The following KMT2A variants were observed in gnomAD, a reference collection of about 807,000 sequenced individuals.
The protein encoded by KMT2A is histone-lysine N-methyltransferase 2A.
KMT2A carries 16 observed loss-of-function variants against 345.3 expected under a neutral mutation model. The ratio of observed to expected loss-of-function variants is 0.05; its 90% CI spans 0.03 to 0.07. KMT2A has a LOEUF of 0.07. Among genes scored for constraint, KMT2A ranks in the 10% least tolerant of loss-of-function variants. The pLI is 1.00. For missense variants in KMT2A, 3,272 were observed against 4,841.6 expected, an observed-to-expected ratio of 0.68 and a Z score of 9.62; for synonymous variants, 1,599 against 1,778.6, an observed-to-expected ratio of 0.90 and a Z score of 2.54.
At chr11:118,461,422 T>G (rs1949741295) in intron 1 of KMT2A, among the ~76,000 whole-genome samples, 1 of 152,250 alleles carries the variant, frequency 6.6e-6, no homozygotes, top group African/African-American at 2.4e-5. Flanking sequence ...TCTTAATCAC[T>G]GGAAGCTAAA....
Position 118,521,829 on chromosome 11 carries a change from T to A in KMT2A, c.11644-68T>A. On this transcript the variant is annotated intron_variant, in intron 35 of 35. Coordinates refer to ENST00000534358, the MANE Select transcript of KMT2A (RefSeq NM_001197104.2). This position sits in a 1 kb window ranked among gnomAD's most constrained non-coding sequence, Gnocchi z 5.3. Reference sequence around the variant, plus strand: ...GCTATAGGTAACATCAAGAGAAGATTGGGACATGTTCTTAAAGCTGAGTTT... The same window carrying A: ...GCTATAGGTAACATCAAGAGAAGATAGGGACATGTTCTTAAAGCTGAGTTT... The A allele has an allele frequency of 1.3e-6, 2 of 1,516,802 alleles. No individual in the cohort carries two copies. Among genetic ancestry groups the A allele is most frequent in the Non-Finnish European group, 1.8e-6 (2 of 1,103,546 alleles). 94.0% of individuals were successfully genotyped at this position (1,516,802 alleles called of 1,614,324 possible). A position where few individuals can be genotyped will look rare whatever the true frequency, so the allele number is the denominator to read the frequency against.
At chr11:118,480,140 A>G in intron 5 of KMT2A, 34 bp from the exon 6 acceptor site, 1 of 1,539,880 alleles carries the variant, frequency 6.5e-7, no homozygotes, top group Non-Finnish European at 9.0e-7. Flanking sequence ...TTCTAAATTT[A>G]ATTTGTTTCA....
intron 10 of KMT2A, among the ~76,000 whole-genome samples, chr11:118,486,610 C>T (rs1300262118): frequency 2.6e-5 from 4 of 152,082 alleles, no homozygotes; most frequent in South Asian, 2.1e-4. Flanking sequence ...CAGTGGCTCA[C>T]GCCTGTAATC....
chr11:118,473,663 T>C lies in KMT2A; in HGVS notation c.2504T>C (p.Leu835Pro). 6.2e-7 allele frequency: 1 copy of C among 1,614,140 alleles called. No homozygotes were observed. The highest frequency in any genetic ancestry group is 8.5e-7 in the Non-Finnish European group (1 of 1,180,028). The change falls in exon 3 of 36, where the codon CTC becomes CCC. Residue 835 changes from leucine (L) to proline (P), a missense_variant. By Grantham distance (98) the Leu-to-Pro change is moderately conservative. This residue lies in a region of KMT2A where 209 missense variants were observed against 237.4 expected (regional missense o/e 0.88). Transcript: ENST00000534358. The surrounding 1 kb of genome is among the most constrained non-coding windows in gnomAD (Gnocchi z 5.2). ...TTTTCATCAAGTAGTCCTACTCCTC[T>C]CTTCCCTTGGTTTACCCCAGGCTCT... ...EPFSSSSPTPLFPWFTPGSQT... is the reference protein window; with the variant it reads ...EPFSSSSPTPPFPWFTPGSQT...
chr11:118,465,690 T>A (rs1555033968), intron 1 of KMT2A, among the ~76,000 whole-genome samples: 2 of 152,214 alleles, frequency 1.3e-5, no homozygotes, highest in African/African-American at 4.8e-5. Context: ...AAGACTGGAT[T>A]GGCCCCCTCT....
chr11:118,482,161 CA>C (rs1950145245), intron 7 of KMT2A, 69 bp downstream of exon 7: 12 of 1,486,086 alleles, frequency 8.1e-6, no homozygotes, highest in Admixed American at 2.4e-5. Context: ...ATGTCTCAAA[CA>C]GCATTTGAAA....
Position 118,505,734 on chromosome 11 carries a change from C to G in KMT2A, c.9842C>G (p.Ser3281Cys). Residue 3281 changes from serine to cysteine, a missense_variant, in exon 27 of 36, where the codon TCT becomes TGT. Ser to Cys is a moderately radical substitution (Grantham distance 112, BLOSUM62 -1). This residue lies in a region of KMT2A where 748 missense variants were observed against 922.2 expected (regional missense o/e 0.81). Transcript: ENST00000534358. This position sits in a 1 kb window ranked among gnomAD's most constrained non-coding sequence, Gnocchi z 4.6. Reference sequence around the variant, plus strand: ...GATTTGGGGTCACTTAATACTTCATCTCACCGAACTGTCCCCAACATCATA... The same window carrying G: ...GATTTGGGGTCACTTAATACTTCATGTCACCGAACTGTCCCCAACATCATA... ...LLDLGSLNTS[S>C]HRTVPNIIKR... 6.2e-7 allele frequency: 1 copy of G among 1,614,164 alleles called. No individual in the cohort carries two copies. Among genetic ancestry groups the G allele is most frequent in the Non-Finnish European group, 8.5e-7 (1 of 1,180,014 alleles).
chr11:118,451,264 T>C (rs1555028774), intron 1 of KMT2A, among the ~76,000 whole-genome samples: 2 of 151,110 alleles, frequency 1.3e-5, no homozygotes, highest in Non-Finnish European at 2.9e-5. Context: ...CAGGCTGGGA[T>C]GCAGTGGCAC....
intron 12 of KMT2A, 110 bp downstream of exon 12, chr11:118,489,997 T>G: frequency 7.1e-7 from 1 of 1,416,506 alleles, no homozygotes; most frequent in Non-Finnish European, 9.8e-7. Context: ...TGACAATCTT[T>G]TTGCCTCATT....
chr11:118,484,985 C>T lies in KMT2A; in HGVS notation c.4332+10C>T. 1 of 1,488,412 alleles carries T rather than the reference C, an allele frequency of 6.7e-7. No homozygotes were observed. The highest frequency in any genetic ancestry group is 9.4e-7 in the Non-Finnish European group (1 of 1,065,992). 92.2% of individuals were successfully genotyped at this position (1,488,412 alleles called of 1,614,324 possible). A position where few individuals can be genotyped will look rare whatever the true frequency, so the allele number is the denominator to read the frequency against. ...TAGTGGGCATGTAGAGGTAAGGCATCCTGCTTCTTTGTACCCCAGGAAGTA... is the reference window on the plus strand; with the variant it reads ...TAGTGGGCATGTAGAGGTAAGGCATTCTGCTTCTTTGTACCCCAGGAAGTA... On this transcript the variant is annotated intron_variant, in intron 10 of 35. Coordinates refer to ENST00000534358, the MANE Select transcript of KMT2A (RefSeq NM_001197104.2). This position sits in a 1 kb window ranked among gnomAD's most constrained non-coding sequence, Gnocchi z 4.1.
At chr11:118,499,227 C>T (rs1950459167) in intron 22 of KMT2A, 76 bp from the exon 23 acceptor site, 1 of 924,692 alleles carries the variant, frequency 1.1e-6, no homozygotes, top group East Asian at 2.4e-5. Flanking sequence ...GTGCCTTCCA[C>T]TCTGAGACAG....
chr11:118,477,017 G>C, intron 4 of KMT2A, 35 bp downstream of exon 4: 1 of 1,606,084 alleles, frequency 6.2e-7, no homozygotes, highest in Non-Finnish European at 8.5e-7. Flanking sequence ...AGTCGGAACA[G>C]ACTTTTGATT....
intron 24 of KMT2A, chr11:118,500,778 C>G: frequency 2.5e-6 from 1 of 401,430 alleles, no homozygotes; most frequent in Non-Finnish European, 4.5e-6. Context: ...AGATCTTAGG[C>G]TATTTTCTGA....
rs781846955 is a variant in KMT2A, at chr11:118,506,252, C to A, written c.10360C>A (p.Gln3454Lys). ...SPSGEADEHY[Q>K]LQHVNQLLAS... ...TTCTGGGGAAGCAGACGAACACTAT[C>A]AGCTTCAGCATGTGAACCAGCTCCT... The change falls in exon 27 of 36, where the codon CAG becomes AAG. Residue 3454 changes from glutamine (Q) to lysine (K), a missense_variant. By Grantham distance (53) the Gln-to-Lys change is moderately conservative. Coordinates refer to ENST00000534358, the MANE Select transcript of KMT2A (RefSeq NM_001197104.2). 6 of 1,614,220 alleles carry A rather than the reference C, an allele frequency of 3.7e-6. No homozygotes were observed. The South Asian group carries it at 6.6e-5, about 18-fold the overall frequency.
chr11:118,448,455 C>T (rs1949466519), intron 1 of KMT2A: 1 of 152,022 alleles, frequency 6.6e-6, no homozygotes, highest in African/African-American at 2.4e-5. Context: ...AGAATGAAAC[C>T]TTTTTAGATA....
rs1950443911 is a variant in KMT2A, at chr11:118,498,342, T to C, written c.5803-28T>C. The C allele has an allele frequency of 5.0e-6, 8 of 1,597,448 alleles. No homozygotes were observed. The highest frequency in any genetic ancestry group is 6.8e-6 in the Non-Finnish European group (8 of 1,173,572). Reference sequence around the variant, plus strand: ...GTCTTAAAACATATGAAAGTCTGAATAGGACTCTGTTCTTTTTGGATTTTT... The same window carrying C: ...GTCTTAAAACATATGAAAGTCTGAACAGGACTCTGTTCTTTTTGGATTTTT... On this transcript the variant is annotated intron_variant, in intron 21 of 35. Transcript: ENST00000534358. The surrounding 1 kb of genome is among the most constrained non-coding windows in gnomAD (Gnocchi z 4.4).
intron 1 of KMT2A, among the ~76,000 whole-genome samples, chr11:118,464,967 G>A (rs562795): frequency 6.6e-6 from 1 of 152,238 alleles, no homozygotes; most frequent in Non-Finnish European, 1.5e-5. Context: ...CTTCACCAGA[G>A]TCCTGCTCCA....
At chr11:118,441,506 G>A (rs1037592734) in intron 1 of KMT2A, among the ~76,000 whole-genome samples, 3 of 152,036 alleles carry the variant, frequency 2.0e-5, no homozygotes, top group African/African-American at 7.3e-5. Context: ...TTGGCTAAAT[G>A]TGTTGTCATT....
At chr11:118,485,454 G>A (rs1307241209) in intron 10 of KMT2A, among the ~76,000 whole-genome samples, 1 of 152,018 alleles carries the variant, frequency 6.6e-6, no homozygotes, top group African/African-American at 2.4e-5. Flanking sequence ...GGTGAAGGGA[G>A]GGTGTCTGTT....
Sources: gnomAD v4.1 joint callset for allele counts (sites outside exome capture counted in the v4.1 genomes callset) on GRCh38, gnomAD v4.1.1 for gene constraint, gnomAD v4.1.1 regional missense constraint, Gnocchi (gnomAD v3.1) non-coding constraint, MANE v1.5 for transcripts, NCBI Gene and HGNC (gene_info 2026-07-23, HGNC 2026-07-21) for gene names.